LINGO2: variants seen among roughly 807,000 people sequenced by gnomAD.
LINGO2 encodes the protein leucine-rich repeat and immunoglobulin-like domain-containing nogo receptor-interacting protein 2.
Under a neutral mutation model 30.6 loss-of-function variants are expected in LINGO2, and 14 were observed. The observed-to-expected ratio is 0.46, with a 90% CI of 0.30 to 0.72. The LOEUF (loss-of-function observed/expected upper bound fraction) is 0.72. Among genes scored for constraint, LINGO2 ranks in the 30% least tolerant of loss-of-function variants. The pLI is 0.07. For synonymous variants in LINGO2, 317 were observed against 288.5 expected (o/e 1.10, Z -1.00); for missense variants, 729 against 751.7 (o/e 0.97, Z 0.35).
chr9:28,640,859 T>C (rs1236269022), intron 1 of LINGO2, among the ~76,000 whole-genome samples: 1 of 152,212 alleles, frequency 6.6e-6, no homozygotes, highest in Non-Finnish European at 1.5e-5. Flanking sequence ...CTTTGTTCTG[T>C]TGCTGGTGAG....
the LINGO2 span, among the ~76,000 whole-genome samples, chr9:28,858,093 G>C: frequency 6.6e-6 from 1 of 151,858 alleles, no homozygotes; most frequent in South Asian, 2.1e-4. Flanking sequence ...GCTCCAGCTT[G>C]TCCCTCAGGC....
At chr9:28,566,933 T>C (rs1823414658) in intron 1 of LINGO2, among the ~76,000 whole-genome samples, 1 of 152,206 alleles carries the variant, frequency 6.6e-6, no homozygotes. Flanking sequence ...ACTACAGTAG[T>C]GCAAAACCAA....
the LINGO2 span, among the ~76,000 whole-genome samples, chr9:28,993,124 C>A: frequency 7.2e-5 from 11 of 151,834 alleles, no homozygotes; most frequent in African/African-American, 2.7e-4. Context: ...GCTAGCAAGA[C>A]TAATAAAGAA....
intron 4 of LINGO2, among the ~76,000 whole-genome samples, chr9:28,159,768 A>C (rs1828234965): frequency 6.6e-6 from 1 of 152,214 alleles, no homozygotes; most frequent in South Asian, 2.1e-4. Context: ...GTTTTACCAG[A>C]TTGCTTAACT....
At chr9:28,596,082 T>C (rs1825161896) in intron 1 of LINGO2, among the ~76,000 whole-genome samples, 1 of 152,206 alleles carries the variant, frequency 6.6e-6, no homozygotes, top group African/African-American at 2.4e-5. Flanking sequence ...CTTTTTACTG[T>C]AACTTTTGGT....
chr9:27,953,106 G>A lies in LINGO2; in HGVS notation c.-35-2400C>T, dbSNP rs12684406. ...ATGCAAATTTAAAAATAGGGGGTAT[G>A]TAGTTTTTGCCTGTCATATTGATAA... is the stretch of plus-strand genomic sequence containing the variant. On this transcript the variant is annotated intron_variant, in intron 5 of 5. Transcript: ENST00000379992. Among the ~76,000 whole-genome samples the A allele has an allele frequency of 0.01, 1,532 of 152,162 alleles. 135 individuals carry two copies. The East Asian group carries it at 0.21, about 21-fold the overall frequency.
At chr9:28,566,313 C>T (rs975887674) in intron 1 of LINGO2, among the ~76,000 whole-genome samples, 1 of 152,142 alleles carries the variant, frequency 6.6e-6, no homozygotes, top group Non-Finnish European at 1.5e-5. Context: ...TATAGCTACA[C>T]CTATGCTTAT....
intron 3 of LINGO2, among the ~76,000 whole-genome samples, chr9:28,351,730 A>G (rs907758296): frequency 1.3e-5 from 2 of 152,116 alleles, no homozygotes; most frequent in African/African-American, 4.8e-5. Context: ...TCCTTGATGA[A>G]CATTGGTGCA....
At chr9:28,231,004 A>G (rs1821335404) in intron 4 of LINGO2, among the ~76,000 whole-genome samples, 1 of 151,966 alleles carries the variant, frequency 6.6e-6, no homozygotes, top group South Asian at 2.1e-4. Flanking sequence ...AGCTATGACC[A>G]CTATTTATTC....
chr9:28,550,119 A>G (rs1355320563), intron 1 of LINGO2, among the ~76,000 whole-genome samples: 1 of 151,888 alleles, frequency 6.6e-6, no homozygotes, highest in Non-Finnish European at 1.5e-5. Flanking sequence ...TATCCCTCTC[A>G]GAAAGCTGTG....
chr9:28,444,847 G>A (rs1371336720), intron 2 of LINGO2, among the ~76,000 whole-genome samples: 1 of 152,164 alleles, frequency 6.6e-6, no homozygotes, highest in African/African-American at 2.4e-5. Flanking sequence ...CTCTGCACCT[G>A]GCTCAGCCTT....
At chr9:28,150,356 A>C (rs1433084131) in intron 4 of LINGO2, among the ~76,000 whole-genome samples, 1 of 152,156 alleles carries the variant, frequency 6.6e-6, no homozygotes, top group Non-Finnish European at 1.5e-5. Context: ...ATTGAAGTTT[A>C]CTTTTTAATT....
chr9:29,112,010 C>T, the LINGO2 span, among the ~76,000 whole-genome samples: 2 of 116,448 alleles, frequency 1.7e-5, no homozygotes, highest in Middle Eastern at 4.7e-3. Flanking sequence ...ATACTGTATC[C>T]CTTATACATT....
intron 4 of LINGO2, among the ~76,000 whole-genome samples, chr9:28,097,008 C>T (rs560717983): frequency 6.6e-6 from 1 of 151,482 alleles, no homozygotes; most frequent in Non-Finnish European, 1.5e-5. Context: ...ATTGTTTTGC[C>T]TATCTTTATT....
At chr9:29,082,945 G>A in the LINGO2 span, among the ~76,000 whole-genome samples, 1 of 152,132 alleles carries the variant, frequency 6.6e-6, no homozygotes, top group Admixed American at 6.6e-5. Context: ...AGGTGCTGGA[G>A]AGGATGTGGA....
At chr9:28,098,329 CA>C (rs202030892) in intron 4 of LINGO2, among the ~76,000 whole-genome samples, 37 of 149,440 alleles carry the variant, frequency 2.5e-4, no homozygotes, top group African/African-American at 3.9e-4. Flanking sequence ...AAACAAAAAG[CA>C]AAAAAAAACT....
At chr9:28,181,521 G>A (rs1353130328) in intron 4 of LINGO2, among the ~76,000 whole-genome samples, 1 of 152,104 alleles carries the variant, frequency 6.6e-6, no homozygotes, top group African/African-American at 2.4e-5. Flanking sequence ...ACATGCCAGT[G>A]GTAGGGCCAG....
chr9:29,034,645 G>C, the LINGO2 span, among the ~76,000 whole-genome samples: 1 of 151,926 alleles, frequency 6.6e-6, no homozygotes, highest in African/African-American at 2.4e-5. Flanking sequence ...GAACACAAGC[G>C]CATTTATCAG....
At chr9:28,530,739 T>A (rs532284762) in intron 1 of LINGO2, among the ~76,000 whole-genome samples, 14 of 152,234 alleles carry the variant, frequency 9.2e-5, no homozygotes, top group African/African-American at 2.9e-4. Context: ...ATTAAAATGT[T>A]CACTATTGAT....
Sources: gnomAD v4.1 joint callset for allele counts (sites outside exome capture counted in the v4.1 genomes callset) on GRCh38, gnomAD v4.1.1 for gene constraint, MANE v1.5 for transcripts, NCBI Gene and HGNC (gene_info 2026-07-23, HGNC 2026-07-21) for gene names.